GATB: variants seen among roughly 807,000 people sequenced by gnomAD.
GATB encodes the protein glutamyl-tRNA amidotransferase subunit B.
GATB carries 39 observed loss-of-function variants against 62.3 expected under a neutral mutation model. The observed-to-expected ratio is 0.63, with a 90% CI of 0.48 to 0.82. The LOEUF (loss-of-function observed/expected upper bound fraction) is 0.82. Among genes scored for constraint, GATB ranks in the 40% least tolerant of loss-of-function variants. The probability of loss-of-function intolerance (pLI) is 0.00; values close to 1 mark genes in which losing one functional copy is unlikely to be tolerated. For missense variants in GATB, 670 were observed against 684.0 expected, an observed-to-expected ratio of 0.98 and a Z score of 0.23; for synonymous variants, 276 against 258.9, an observed-to-expected ratio of 1.07 and a Z score of -0.63.
intron 2 of GATB, among the ~76,000 whole-genome samples, chr4:151,742,090 G>T (rs1199302960): frequency 7.3e-6 from 1 of 136,328 alleles, no homozygotes; most frequent in Non-Finnish European, 1.6e-5. Flanking sequence ...GAGGGATATG[G>T]TTTTTTTTTT....
chr4:151,736,553 A>C (rs1739378226), intron 2 of GATB, among the ~76,000 whole-genome samples: 1 of 152,204 alleles, frequency 6.6e-6, no homozygotes, highest in Non-Finnish European at 1.5e-5. Flanking sequence ...TGCCATCCTA[A>C]GTTATGTCAG....
chr4:151,716,761 G>A, intron 4 of GATB, 115 bp downstream of exon 4: 1 of 893,080 alleles, frequency 1.1e-6, no homozygotes, highest in Non-Finnish European at 1.7e-6. Context: ...CCATCTATCA[G>A]GCTCCTGTGA....
At chr4:151,721,785 G>C (rs1057228454) in intron 2 of GATB, 1 of 166,832 alleles carries the variant, frequency 6.0e-6, no homozygotes, top group Non-Finnish European at 1.3e-5. Context: ...AGAGAACCCA[G>C]GTTATTTTGT....
At chr4:151,738,517 T>C (rs1291853686) in intron 2 of GATB, among the ~76,000 whole-genome samples, 3 of 152,234 alleles carry the variant, frequency 2.0e-5, no homozygotes, top group Admixed American at 2.0e-4. Context: ...AACTTCTTTC[T>C]TTTGTAAATT....
At chr4:151,692,903 A>G (rs998491915) in intron 9 of GATB, among the ~76,000 whole-genome samples, 4 of 152,254 alleles carry the variant, frequency 2.6e-5, no homozygotes, top group Admixed American at 1.3e-4. Flanking sequence ...CTGACTATAC[A>G]AAGGCTCTAC....
chr4:151,739,935 T>C (rs758262907), intron 2 of GATB, among the ~76,000 whole-genome samples: 16 of 152,078 alleles, frequency 1.1e-4, no homozygotes, highest in Middle Eastern at 3.4e-3. Context: ...CAGTCAGCTC[T>C]ACTCTGGCGA....
intron 2 of GATB, among the ~76,000 whole-genome samples, chr4:151,738,047 G>A (rs982423383): frequency 8.5e-5 from 13 of 152,144 alleles, no homozygotes; most frequent in African/African-American, 1.2e-4. Flanking sequence ...GGGGTACCAC[G>A]CTGTGAGAGG....
At chr4:151,679,596 G>A (rs1560840694) in intron 11 of GATB, among the ~76,000 whole-genome samples, 1 of 152,202 alleles carries the variant, frequency 6.6e-6, no homozygotes, top group Non-Finnish European at 1.5e-5. Flanking sequence ...TATTTCCCCA[G>A]GTTAGCGGTG....
rs1180345062 is a variant in GATB at position 151,705,189 on chromosome 4, G to A, written c.958C>T (p.Leu320=). 6.2e-7 allele frequency: 1 copy of A among 1,610,278 alleles called. No homozygotes were observed. The highest frequency in any genetic ancestry group is 1.1e-5 in the South Asian group (1 of 90,970). ...CGCTCAGCAATGCGAACTCACCCCA[G>A]CTTGTGATGAAATGAGCGTGTTTCG... ...LNETRSFHHK[L]GCTMSMRDKE... is the part of the protein sequence containing the mutation. The change falls in exon 7 of 13, where the codon CTG becomes TTG. Residue 320 remains leucine, a synonymous_variant. Transcript: ENST00000263985.
In GATB at chr4:151,741,682, C is replaced by T. The variant is rs371259990; in HGVS notation, c.327+17090G>A. Among the ~76,000 whole-genome samples, 3 of 152,328 alleles carry T rather than the reference C, an allele frequency of 2.0e-5. No individual in the cohort carries two copies. In the South Asian group the frequency reaches 6.2e-4, roughly 32 times the overall value. ...CACCCAGGGGGAGGCCAGACGAGGT[C>T]CCTCAGGTTCGCCAAGGCTCAGGTG... On this transcript the variant is annotated intron_variant, in intron 2 of 12. Coordinates refer to ENST00000263985, the MANE Select transcript of GATB (RefSeq NM_004564.3).
At chr4:151,692,259 T>C (rs2126963029) in intron 9 of GATB, among the ~76,000 whole-genome samples, 1 of 152,304 alleles carries the variant, frequency 6.6e-6, no homozygotes, top group East Asian at 1.9e-4. Flanking sequence ...CTCTGCGGTT[T>C]GTGCTTTTAA....
At chr4:151,719,067 A>G (rs1197751785) in intron 3 of GATB, among the ~76,000 whole-genome samples, 5 of 152,254 alleles carry the variant, frequency 3.3e-5, no homozygotes, top group African/African-American at 1.2e-4. Context: ...GAACTACAGT[A>G]TGCATTTACT....
chr4:151,713,715 C>T (rs1738862809), intron 5 of GATB, among the ~76,000 whole-genome samples: 1 of 152,180 alleles, frequency 6.6e-6, no homozygotes, highest in Non-Finnish European at 1.5e-5. Flanking sequence ...TGGCACCCCA[C>T]CTTGCTATCC....
intron 3 of GATB, among the ~76,000 whole-genome samples, chr4:151,718,476 C>G (rs934985858): frequency 1.3e-5 from 2 of 152,206 alleles, no homozygotes; most frequent in Non-Finnish European, 2.9e-5. Context: ...CCCACCTCAA[C>G]CAAACTGTCT....
chr4:151,757,769 G>A (rs1288741331), intron 2 of GATB, among the ~76,000 whole-genome samples: 6 of 151,888 alleles, frequency 4.0e-5, no homozygotes, highest in Non-Finnish European at 7.4e-5. Flanking sequence ...GAGCCACCGC[G>A]CCCGGCCTCA....
chr4:151,693,398 C>T (rs1301871100), intron 9 of GATB, among the ~76,000 whole-genome samples: 1 of 152,166 alleles, frequency 6.6e-6, no homozygotes, highest in East Asian at 1.9e-4. Flanking sequence ...AATCTTTCAG[C>T]GAGTGCTCCT....
intron 11 of GATB, chr4:151,673,753 G>A (rs1737935422): frequency 6.6e-6 from 1 of 152,184 alleles, no homozygotes; most frequent in South Asian, 2.1e-4. Context: ...TCTAGCGAAA[G>A]CCAGAATTGG....
chr4:151,671,120 C>T lies in GATB; in HGVS notation c.*54G>A, dbSNP rs1737848134. ...ATCAGCTTTCACAGGATCCTGTTCCCAGTCAGGCTGCACTGTTTGTTGTTG... is the reference window on the plus strand; with the variant it reads ...ATCAGCTTTCACAGGATCCTGTTCCTAGTCAGGCTGCACTGTTTGTTGTTG... On this transcript the variant is annotated 3_prime_UTR_variant, in exon 13 of 13. Transcript: ENST00000263985. The T allele has an allele frequency of 6.2e-7, 1 of 1,605,752 alleles. No individual in the cohort carries two copies. The highest frequency in any genetic ancestry group is 2.2e-5 in the East Asian group (1 of 44,806).
chr4:151,756,565 G>A (rs1739833247), intron 2 of GATB, among the ~76,000 whole-genome samples: 1 of 152,162 alleles, frequency 6.6e-6, no homozygotes, highest in South Asian at 2.1e-4. Flanking sequence ...TAAACCATAA[G>A]CGTTGTAGGC....
Sources: gnomAD v4.1 joint callset for allele counts (sites outside exome capture counted in the v4.1 genomes callset) on GRCh38, gnomAD v4.1.1 for gene constraint, MANE v1.5 for transcripts, NCBI Gene and HGNC (gene_info 2026-07-23, HGNC 2026-07-21) for gene names.